PCLO: variants seen among roughly 807,000 people sequenced by gnomAD.
PCLO encodes the protein piccolo presynaptic cytomatrix protein.
In PCLO, 82 loss-of-function variants were observed where a neutral mutation model predicts 427.5. The observed-to-expected ratio is 0.19, with a 90% CI of 0.16 to 0.23. PCLO has a LOEUF of 0.23. Among genes scored for constraint, PCLO ranks in the 10% least tolerant of loss-of-function variants. The pLI is 1.00. For synonymous variants in PCLO, 2,357 were observed against 2,155.4 expected (o/e 1.09, Z -2.59); for missense variants, 6,239 against 6,115.9 (o/e 1.02, Z -0.67).
At chr7:83,082,102 C>T (rs1022362916) in intron 3 of PCLO, among the ~76,000 whole-genome samples, 1 of 151,138 alleles carries the variant, frequency 6.6e-6, no homozygotes, top group Non-Finnish European at 1.5e-5. Context: ...TTATCTTATA[C>T]ATTTCCTATA....
chr7:82,899,261 A>G (rs1444857181), intron 9 of PCLO, among the ~76,000 whole-genome samples: 1 of 151,434 alleles, frequency 6.6e-6, no homozygotes, highest in Non-Finnish European at 1.5e-5. Context: ...TTAGTCAATC[A>G]AAGTAGGATT....
intron 22 of PCLO, among the ~76,000 whole-genome samples, chr7:82,770,989 G>C (rs1000952987): frequency 6.6e-6 from 1 of 151,744 alleles, no homozygotes; most frequent in African/African-American, 2.4e-5. Context: ...TTTATGTGTA[G>C]GACAACATAG....
At chr7:82,825,994 C>G (rs1228657965) in intron 18 of PCLO, among the ~76,000 whole-genome samples, 1 of 150,086 alleles carries the variant, frequency 6.7e-6, no homozygotes, top group African/African-American at 2.4e-5. Context: ...GTTCATGCTA[C>G]CAATTTCATG....
At position 82,879,393 on chromosome 7, in the gene PCLO, T is replaced by A. The variant is rs1481880832; in HGVS notation, c.13598A>T (p.Tyr4533Phe). 3.7e-6 allele frequency: 6 copies of A among 1,611,594 alleles called. No individual in the cohort carries two copies. Among genetic ancestry groups the A allele is most frequent in the Non-Finnish European group, 4.2e-6 (5 of 1,178,236 alleles). ...TCCCCCAGGAAGAATCTTGGCAATA[T>A]AGGCTCCAATTTCTCCACTATGTCC... ...IPGHSGEIGAYIAKILPGGSA... is the reference protein window; with the variant it reads ...IPGHSGEIGAFIAKILPGGSA... Residue 4533 changes from tyrosine (Y) to phenylalanine (F), a missense_variant, in exon 10 of 25, where the codon TAT becomes TTT. Physicochemically the swap from Tyr to Phe is conservative, Grantham distance 22 (BLOSUM62 3). Coordinates refer to ENST00000333891, the MANE Select transcript of PCLO (RefSeq NM_033026.6).
At position 82,757,644 on chromosome 7, in the gene PCLO, T is replaced by C. The variant is rs1173005962; in HGVS notation, c.*931A>G. 1 of 151,932 alleles carries C rather than the reference T, an allele frequency of 6.6e-6. No homozygotes were observed. The highest frequency in any genetic ancestry group is 2.4e-5 in the African/African-American group (1 of 41,418). 9.4% of individuals were successfully genotyped at this position (151,932 alleles called of 1,614,324 possible). On this transcript the variant is annotated 3_prime_UTR_variant, in exon 25 of 25. Transcript: ENST00000333891. ...GAAAGGAAATGTGCAGGATAATACATTTATTTGCAGTTTCACAAAGAGTAA... is the reference window on the plus strand; with the variant it reads ...GAAAGGAAATGTGCAGGATAATACACTTATTTGCAGTTTCACAAAGAGTAA...
At chr7:82,981,663 G>A (rs1796149608) in intron 3 of PCLO, among the ~76,000 whole-genome samples, 1 of 150,630 alleles carries the variant, frequency 6.6e-6, no homozygotes, top group Admixed American at 6.6e-5. Context: ...TGCATAATTG[G>A]CTATAAGAAT....
intron 3 of PCLO, among the ~76,000 whole-genome samples, chr7:83,068,773 G>T (rs527399348): frequency 1.3e-5 from 2 of 152,140 alleles, no homozygotes; most frequent in African/African-American, 2.4e-5. Context: ...CCACTTCTGG[G>T]TATATATTCA....
intron 3 of PCLO, among the ~76,000 whole-genome samples, chr7:82,991,449 C>T (rs904674624): frequency 1.4e-4 from 21 of 152,038 alleles, no homozygotes; most frequent in Non-Finnish European, 2.1e-4. Flanking sequence ...TACTGACTGG[C>T]AATTTATTCA....
intron 3 of PCLO, among the ~76,000 whole-genome samples, chr7:83,057,096 T>C: frequency 6.7e-6 from 1 of 149,676 alleles, no homozygotes; most frequent in East Asian, 1.9e-4. Context: ...ATATATATAT[T>C]TTTTTGAGAT....
At chr7:83,020,078 GACTTA>G (rs1343613538) in intron 3 of PCLO, among the ~76,000 whole-genome samples, 1 of 151,952 alleles carries the variant, frequency 6.6e-6, no homozygotes, top group Non-Finnish European at 1.5e-5. Context: ...TTAGACCACC[GACTTA>G]ACTTAGATGG....
At chr7:83,093,501 T>TTTTTTTTTTTTTTTTTA (rs1790442613) in intron 3 of PCLO, among the ~76,000 whole-genome samples, 1 of 115,986 alleles carries the variant, frequency 8.6e-6, no homozygotes, top group Non-Finnish European at 1.8e-5. Context: ...TATTTTTTTT[T>TTTTTTTTTTTTTTTTTA]TTTTTTTTTG....
rs1791666260 is a variant in PCLO at position 83,134,605 on chromosome 7, G to A, written c.2945C>T (p.Ser982Phe). ...QPPTSQGPPK[S>F]TGQAPPAPAK... Reference sequence around the variant, plus strand: ...AGGTGCTGGTGGTGCTTGACCTGTGGATTTGGGTGGCCCTTGTGAAGTAGG... The same window carrying A: ...AGGTGCTGGTGGTGCTTGACCTGTGAATTTGGGTGGCCCTTGTGAAGTAGG... The change falls in exon 3 of 25, where the codon TCC becomes TTC. Residue 982 changes from serine (S) to phenylalanine (F), a missense_variant. This residue lies in a region of PCLO where 4,677 missense variants were observed against 4,468.4 expected (regional missense o/e 1.05). Coordinates refer to ENST00000333891, the MANE Select transcript of PCLO (RefSeq NM_033026.6). 1.2e-6 allele frequency: 2 copies of A among 1,613,780 alleles called. No homozygotes were observed. The highest frequency in any genetic ancestry group is 1.1e-5 in the South Asian group (1 of 91,076).
At chr7:82,799,533 A>C (rs1791297482) in intron 22 of PCLO, among the ~76,000 whole-genome samples, 1 of 152,168 alleles carries the variant, frequency 6.6e-6, no homozygotes, top group African/African-American at 2.4e-5. Flanking sequence ...CATGTAAAAT[A>C]TTGTGCTGGC....
intron 3 of PCLO, among the ~76,000 whole-genome samples, chr7:83,089,389 G>A (rs1169192333): frequency 6.6e-6 from 1 of 152,020 alleles, no homozygotes; most frequent in Non-Finnish European, 1.5e-5. Flanking sequence ...AACATACAGT[G>A]TTCCCTCATG....
At chr7:83,099,296 T>A (rs1790675025) in intron 3 of PCLO, among the ~76,000 whole-genome samples, 1 of 142,162 alleles carries the variant, frequency 7.0e-6, no homozygotes, top group Admixed American at 7.2e-5. Flanking sequence ...GTGATAAGGA[T>A]CAAAACAAGG....
intron 22 of PCLO, among the ~76,000 whole-genome samples, chr7:82,793,477 A>G (rs1791150345): frequency 6.6e-6 from 1 of 151,624 alleles, no homozygotes; most frequent in Admixed American, 6.6e-5. Flanking sequence ...ATACCAGTTC[A>G]CCTCCCTGGA....
intron 22 of PCLO, among the ~76,000 whole-genome samples, chr7:82,797,495 G>C (rs1187526649): frequency 1.3e-5 from 2 of 152,108 alleles, no homozygotes; most frequent in African/African-American, 4.8e-5. Context: ...AAATGTTAAA[G>C]AAAAGTGGTC....
At chr7:83,015,794 T>G (rs911138288) in intron 3 of PCLO, among the ~76,000 whole-genome samples, 3 of 152,148 alleles carry the variant, frequency 2.0e-5, no homozygotes, top group African/African-American at 7.2e-5. Flanking sequence ...TTTTTTAAAG[T>G]TTGTTTTCTT....
At chr7:83,138,141 T>G (rs1238124159) in intron 2 of PCLO, among the ~76,000 whole-genome samples, 1 of 152,182 alleles carries the variant, frequency 6.6e-6, no homozygotes, top group East Asian at 1.9e-4. Flanking sequence ...AATTCTTACA[T>G]GTATAGTCAC....
Sources: allele counts gnomAD v4.1 joint callset (sites outside exome capture counted in the v4.1 genomes callset), GRCh38; gene constraint gnomAD v4.1.1; regional missense constraint gnomAD v4.1.1; transcripts MANE v1.5; gene names NCBI Gene and HGNC (gene_info 2026-07-23, HGNC 2026-07-21).